Variants in FARP2 observed in about 807,000 individuals in gnomAD.
FARP2 encodes FERM, ARH/RhoGEF and pleckstrin domain protein 2, also known as FERM, ARHGEF and pleckstrin domain-containing protein 2.
In FARP2, 111 loss-of-function variants were observed where a neutral mutation model predicts 130.5. The observed-to-expected ratio is 0.85, with a 90% CI of 0.73 to 1.00. The LOEUF is 1.00. Ranked by LOEUF, FARP2 falls within the 50% of genes least tolerant of loss-of-function variation. The pLI, the probability that FARP2 is intolerant of heterozygous loss-of-function variation, is 0.00. For missense variants in FARP2, 1,385 were observed against 1,346.3 expected, an observed-to-expected ratio of 1.03 and a Z score of -0.45; for synonymous variants, 504 against 516.9, an observed-to-expected ratio of 0.98 and a Z score of 0.34.
intron 2 of FARP2, among the ~76,000 whole-genome samples, chr2:241,387,639 A>G (rs2061816516): frequency 6.6e-6 from 1 of 151,990 alleles, no homozygotes; most frequent in South Asian, 2.1e-4. Context: ...TAAAAATACA[A>G]AAAATTAGCC....
intron 2 of FARP2, among the ~76,000 whole-genome samples, chr2:241,395,202 A>G (rs1038696787): frequency 1.3e-5 from 2 of 152,212 alleles, no homozygotes; most frequent in Non-Finnish European, 1.5e-5. Context: ...TGATCAACTC[A>G]GGAGCCACAA....
At chr2:241,357,016 C>T (rs1414895098) in intron 1 of FARP2, among the ~76,000 whole-genome samples, 1 of 152,206 alleles carries the variant, frequency 6.6e-6, no homozygotes, top group Non-Finnish European at 1.5e-5. Flanking sequence ...GAATATGGCC[C>T]AGTACATTAC....
In FARP2 at chr2:241,440,595, C is replaced by T. The variant is rs139254673; in HGVS notation, c.1159-709C>T. Among the ~76,000 whole-genome samples the T allele has an allele frequency of 5.3e-4, 81 of 152,318 alleles. 1 individual carries two copies. Among genetic ancestry groups the T allele is most frequent in the Middle Eastern group, 3.4e-3 (1 of 294 alleles). ...GCAAAGGGCATCCTAGGCAGTGACC[C>T]TCAACCTTCCCTTACATGTATGAGT... On this transcript the variant is annotated intron_variant, in intron 12 of 26. Coordinates refer to ENST00000264042, the MANE Select transcript of FARP2 (RefSeq NM_014808.4).
rs2064436265 is a variant in FARP2 at position 241,475,559 on chromosome 2, G to T, written c.2132-298G>T. Among the ~76,000 whole-genome samples, 1 of 152,204 alleles carries T rather than the reference G, an allele frequency of 6.6e-6. No homozygotes were observed. The highest frequency in any genetic ancestry group is 6.5e-5 in the Admixed American group (1 of 15,282). Reference sequence around the variant, plus strand: ...ACAAACCCTATTGTGAACTGCACATGTGGGGGATCTAGTTTGTATGCTCCT... The same window carrying T: ...ACAAACCCTATTGTGAACTGCACATTTGGGGGATCTAGTTTGTATGCTCCT... On this transcript the variant is annotated intron_variant, in intron 18 of 26. Transcript: ENST00000264042. This position sits in a 1 kb window ranked among gnomAD's most constrained non-coding sequence, Gnocchi z 4.4.
At chr2:241,432,556 T>C (rs1039698438) in intron 9 of FARP2, among the ~76,000 whole-genome samples, 1 of 152,244 alleles carries the variant, frequency 6.6e-6, no homozygotes, top group African/African-American at 2.4e-5. Flanking sequence ...CTTGTGTCCT[T>C]CATTCAGAAA....
chr2:241,423,211 G>C (rs550404090), intron 8 of FARP2, among the ~76,000 whole-genome samples: 2 of 152,284 alleles, frequency 1.3e-5, no homozygotes, highest in South Asian at 4.1e-4. Flanking sequence ...GGCAGCCAGA[G>C]AGAAAGGCCA....
intron 19 of FARP2, among the ~76,000 whole-genome samples, chr2:241,476,750 T>C (rs893729152): frequency 1.3e-5 from 2 of 152,054 alleles, no homozygotes; most frequent in Admixed American, 6.6e-5. Flanking sequence ...CACACATACA[T>C]ACATACAAAA....
rs373040817 is a variant in FARP2, at chr2:241,366,127, A to ATATATATACATATATATATACGTG, written c.-24-6949_-24-6948insCATATATATATACGTGTATATATA. 4.8e-4 allele frequency among the ~76,000 whole-genome samples: 65 copies of ATATATATACATATATATATACGTG among 136,456 alleles called. 2 individuals carry two copies. Among genetic ancestry groups the ATATATATACATATATATATACGTG allele is most frequent in the African/African-American group, 1.7e-3 (60 of 35,674 alleles). The allele number at this position is 136,456 out of a possible 152,430, so 89.5% of individuals were successfully genotyped here. A position where few individuals can be genotyped will look rare whatever the true frequency, so the allele number is the denominator to read the frequency against. ...AAAATATATATATATATATACGTAT[A>ATATATATACATATATATATACGTG]TATATATATATACACACACACATAT... On this transcript the variant is annotated intron_variant, in intron 1 of 26. Transcript: ENST00000264042.
chr2:241,444,620 G>GGGGTA (rs1157906542), intron 13 of FARP2: 1 of 152,156 alleles, frequency 6.6e-6, no homozygotes, highest in Admixed American at 6.6e-5. Flanking sequence ...CCTAAGGAGT[G>GGGGTA]GGATCATGCC....
At chr2:241,377,196 A>G (rs1420639752) in intron 2 of FARP2, among the ~76,000 whole-genome samples, 3 of 152,302 alleles carry the variant, frequency 2.0e-5, no homozygotes, top group African/African-American at 7.2e-5. Flanking sequence ...CTTGAAAAGC[A>G]CTAGCTTCTT....
At chr2:241,419,340 A>AT (rs1401828934) in intron 8 of FARP2, among the ~76,000 whole-genome samples, 1 of 152,090 alleles carries the variant, frequency 6.6e-6, no homozygotes. Flanking sequence ...GTGTTCCCCC[A>AT]TTGCACAGAG....
intron 17 of FARP2, among the ~76,000 whole-genome samples, chr2:241,467,450 A>G (rs2064199672): frequency 1.3e-5 from 2 of 152,128 alleles, no homozygotes; most frequent in Admixed American, 1.3e-4. Flanking sequence ...GTTCGAGACC[A>G]GCCTGGGCAA....
chr2:241,457,890 G>A (rs1574865994), intron 14 of FARP2, among the ~76,000 whole-genome samples: 1 of 152,178 alleles, frequency 6.6e-6, no homozygotes, highest in South Asian at 2.1e-4. Context: ...GTTCTCTGCT[G>A]TTGTGGCACG....
At chr2:241,397,194 G>C (rs1190947222) in intron 2 of FARP2, among the ~76,000 whole-genome samples, 1 of 152,150 alleles carries the variant, frequency 6.6e-6, no homozygotes, top group African/African-American at 2.4e-5. Flanking sequence ...TGCGGCGAGG[G>C]GAGGGAGGAG....
At chr2:241,372,601 G>A (rs77835024) in intron 1 of FARP2, 3,979 of 152,342 alleles carry the variant, frequency 0.026, 403 homozygotes, top group Admixed American at 0.18. Flanking sequence ...CCTGACACGC[G>A]TTGATGCTGT....
chr2:241,474,466 C>T (rs1004229416), intron 18 of FARP2, among the ~76,000 whole-genome samples: 7 of 150,240 alleles, frequency 4.7e-5, no homozygotes, highest in Admixed American at 4.6e-4. Flanking sequence ...AGCTTTGTGG[C>T]CAGGAAATAA....
At chr2:241,419,060 C>T (rs1574785556) in intron 8 of FARP2, among the ~76,000 whole-genome samples, 2 of 152,146 alleles carry the variant, frequency 1.3e-5, no homozygotes, top group Admixed American at 6.5e-5. Context: ...GCTCTTTTAA[C>T]CTGTGACTAT....
At chr2:241,419,790 T>G (rs1431075913) in intron 8 of FARP2, among the ~76,000 whole-genome samples, 4 of 152,336 alleles carry the variant, frequency 2.6e-5, no homozygotes, top group African/African-American at 9.6e-5. Flanking sequence ...AAATTTTATC[T>G]TGTAATTTTT....
chr2:241,471,929 ATTATGTTCTGTGGTG>A (rs1343281841), intron 18 of FARP2, among the ~76,000 whole-genome samples: 3,336 of 149,864 alleles, frequency 0.022, 1 homozygote, highest in Admixed American at 0.12. Flanking sequence ...TTCTGAGGGG[ATTATGTTCTGTGGTG>A]ATCCTGTTCT....
Sources: gnomAD v4.1 joint callset for allele counts (sites outside exome capture counted in the v4.1 genomes callset) on GRCh38, gnomAD v4.1.1 for gene constraint, Gnocchi (gnomAD v3.1) non-coding constraint, MANE v1.5 for transcripts, NCBI Gene and HGNC (gene_info 2026-07-23, HGNC 2026-07-21) for gene names.